PRKCB: variants seen among roughly 807,000 people sequenced by gnomAD.
The protein encoded by PRKCB is protein kinase C beta type.
Under a neutral mutation model 81.5 loss-of-function variants are expected in PRKCB, and 13 were observed. That is an observed-to-expected ratio of 0.16 (90% CI 0.10 to 0.25). The LOEUF is 0.25. Ranked by LOEUF, PRKCB falls within the 10% of genes least tolerant of loss-of-function variation. The probability of loss-of-function intolerance (pLI) is 1.00; values close to 1 mark genes in which losing one functional copy is unlikely to be tolerated. For missense variants in PRKCB, 509 were observed against 875.7 expected (o/e 0.58, Z 5.29); for synonymous variants, 335 against 321.4 (o/e 1.04, Z -0.45).
chr16:24,119,850 G>A (rs1483246581), intron 8 of PRKCB, among the ~76,000 whole-genome samples: 1 of 152,062 alleles, frequency 6.6e-6, no homozygotes, highest in East Asian at 1.9e-4. Context: ...GTATACAACT[G>A]CTTACTGGGT....
intron 2 of PRKCB, among the ~76,000 whole-genome samples, chr16:23,936,770 AC>A (rs1361016077): frequency 6.6e-6 from 1 of 152,026 alleles, no homozygotes; most frequent in Non-Finnish European, 1.5e-5. Context: ...AATTTATTAA[AC>A]AAGTCCTGTA....
chr16:23,894,588 T>G (rs1963344180), intron 2 of PRKCB, among the ~76,000 whole-genome samples: 2 of 152,218 alleles, frequency 1.3e-5, no homozygotes. Context: ...AGCTTCCAGG[T>G]GCAAGCGCCT....
At chr16:23,860,220 G>A (rs1342041713) in intron 2 of PRKCB, among the ~76,000 whole-genome samples, 1 of 152,132 alleles carries the variant, frequency 6.6e-6, no homozygotes, top group East Asian at 1.9e-4. Flanking sequence ...AGATGCAGTG[G>A]CACCCTGGCA....
chr16:23,963,097 A>G (rs1047549479), intron 2 of PRKCB: 6 of 152,346 alleles, frequency 3.9e-5, no homozygotes, highest in African/African-American at 1.4e-4. Context: ...ATGGCTGAGT[A>G]GTATTCCATC....
intron 10 of PRKCB, among the ~76,000 whole-genome samples, chr16:24,158,891 G>C (rs190627580): frequency 4.6e-4 from 70 of 152,206 alleles, no homozygotes; most frequent in African/African-American, 1.6e-3. Context: ...AATCTTCTAG[G>C]CTCAAGCAAT....
intron 2 of PRKCB, among the ~76,000 whole-genome samples, chr16:23,876,067 A>G (rs1370791874): frequency 6.6e-6 from 1 of 152,160 alleles, no homozygotes. Context: ...GGTCCCTTTA[A>G]GGTTGACATA....
At chr16:23,995,583 C>T (rs959569912) in intron 3 of PRKCB, among the ~76,000 whole-genome samples, 5 of 152,152 alleles carry the variant, frequency 3.3e-5, no homozygotes, top group Admixed American at 1.3e-4. Context: ...CCGTATGACC[C>T]GAATTGCTCT....
intron 16 of PRKCB, among the ~76,000 whole-genome samples, chr16:24,214,135 T>G (rs1222246608): frequency 1.3e-5 from 2 of 152,208 alleles, no homozygotes. Context: ...AATTGTATTC[T>G]GTTGAGTTGG....
intron 2 of PRKCB, among the ~76,000 whole-genome samples, chr16:23,903,136 A>G (rs1278262355): frequency 2.6e-5 from 4 of 151,120 alleles, no homozygotes. Flanking sequence ...CAGCCTACTT[A>G]TGTTATTTCT....
At chr16:24,081,285 G>A (rs184688378) in intron 5 of PRKCB, among the ~76,000 whole-genome samples, 162 of 151,640 alleles carry the variant, frequency 1.1e-3, no homozygotes, top group African/African-American at 3.8e-3. Context: ...ATCAACCAAT[G>A]TAATTTACCA....
intron 3 of PRKCB, among the ~76,000 whole-genome samples, chr16:24,007,636 G>T (rs1017890673): frequency 6.6e-6 from 1 of 152,208 alleles, no homozygotes; most frequent in African/African-American, 2.4e-5. Context: ...ATGCTGGAAG[G>T]CCAGAGAACA....
At chr16:23,975,453 A>T (rs1182574144) in intron 2 of PRKCB, among the ~76,000 whole-genome samples, 3 of 152,134 alleles carry the variant, frequency 2.0e-5, no homozygotes, top group Non-Finnish European at 4.4e-5. Flanking sequence ...CTGTTGCATC[A>T]GCGAGGTGGA....
At chr16:23,871,442 C>T (rs7189228) in intron 2 of PRKCB, among the ~76,000 whole-genome samples, 2 of 151,932 alleles carry the variant, frequency 1.3e-5, no homozygotes. Flanking sequence ...CCCCTGTCCC[C>T]CTCTGTCTCT....
At chr16:23,965,632 G>A (rs1394512544) in intron 2 of PRKCB, among the ~76,000 whole-genome samples, 2 of 152,242 alleles carry the variant, frequency 1.3e-5, no homozygotes, top group African/African-American at 4.8e-5. Context: ...CCTGTAGAAG[G>A]AAAGTGCCTC....
At position 23,875,707 on chromosome 16, in the gene PRKCB, T is replaced by TATATATGTATGTATATCAC. The variant is rs1597222197; in HGVS notation, c.205+38303_205+38321dup. Among the ~76,000 whole-genome samples, 5 of 99,872 alleles carry TATATATGTATGTATATCAC rather than the reference T, an allele frequency of 5.0e-5. 2 individuals are homozygous for TATATATGTATGTATATCAC. Among genetic ancestry groups the TATATATGTATGTATATCAC allele is most frequent in the Admixed American group, 2.0e-4 (2 of 9,892 alleles). The allele number at this position is 99,872 out of a possible 152,430, so 65.5% of individuals were successfully genotyped here. ...CACATATATGTATGTATATCACACA[T>TATATATGTATGTATATCAC]ATATATGTATGTATATCACACATAT... On this transcript the variant is annotated intron_variant, in intron 2 of 16. Coordinates refer to ENST00000643927, the MANE Select transcript of PRKCB (RefSeq NM_002738.7).
intron 2 of PRKCB, among the ~76,000 whole-genome samples, chr16:23,959,390 G>C (rs1964393601): frequency 1.3e-5 from 2 of 152,142 alleles, no homozygotes; most frequent in Non-Finnish European, 2.9e-5. Flanking sequence ...TCTCTTCCTA[G>C]CTCCATTTGA....
At position 24,123,917 on chromosome 16, in the gene PRKCB, G is replaced by A; in HGVS notation, c.1001G>A (p.Arg334Lys). ...TCCAAATTTGACAACAATGGCAACA[G>A]AGACCGGATGAAACTGACCGATTTT... is the stretch of plus-strand genomic sequence containing the variant. ...TVSKFDNNGN[R>K]DRMKLTDFNF... The change falls in exon 9 of 17, where the codon AGA (arginine) becomes AAA (lysine). Residue 334 changes from arginine to lysine, a missense_variant. Arg to Lys is a conservative substitution (Grantham distance 26). Transcript: ENST00000643927. 6.2e-7 allele frequency: 1 copy of A among 1,614,228 alleles called. No homozygotes were observed. Among genetic ancestry groups the A allele is most frequent in the Non-Finnish European group, 8.5e-7 (1 of 1,180,030 alleles).
chr16:23,962,806 A>G (rs1007673194), intron 2 of PRKCB: 3 of 151,872 alleles, frequency 2.0e-5, no homozygotes, highest in Non-Finnish European at 4.4e-5. Context: ...TACATGGATA[A>G]GTTCTTTCAT....
rs138841461 is a variant in PRKCB at position 24,128,770 on chromosome 16, A to G, written c.1065+4789A>G. On this transcript the variant is annotated intron_variant, in intron 9 of 16. Coordinates refer to ENST00000643927, the MANE Select transcript of PRKCB (RefSeq NM_002738.7). ...CAGGTTTGTCACATGGGTATATTGT[A>G]CCCAGGTAGTGAGCATAGTACCCAA... 1.6e-3 allele frequency among the ~76,000 whole-genome samples: 251 copies of G among 152,292 alleles called. No homozygotes were observed. In the Middle Eastern group the frequency reaches 0.02, roughly 12 times the overall value.
Sources: gnomAD v4.1 joint callset for allele counts (sites outside exome capture counted in the v4.1 genomes callset) on GRCh38, gnomAD v4.1.1 for gene constraint, MANE v1.5 for transcripts, NCBI Gene and HGNC (gene_info 2026-07-23, HGNC 2026-07-21) for gene names.